The following FLT1 variants were observed in gnomAD, a reference collection of about 807,000 sequenced individuals.
FLT1 encodes fms related receptor tyrosine kinase 1, also known as vascular endothelial growth factor receptor 1.
FLT1 carries 49 observed loss-of-function variants against 156.3 expected under a neutral mutation model. The observed-to-expected ratio is 0.31, with a 90% CI of 0.25 to 0.40. The LOEUF (loss-of-function observed/expected upper bound fraction) is 0.40, where lower values mean the gene tolerates loss of function less well. Among genes scored for constraint, FLT1 ranks in the 10% least tolerant of loss-of-function variants. FLT1 has a pLI of 1.00. For missense variants in FLT1, 1,322 were observed against 1,637.2 expected (o/e 0.81, Z 3.32); for synonymous variants, 594 against 583.8 (o/e 1.02, Z -0.25).
At chr13:28,374,737 T>C (rs957152825) in intron 14 of FLT1, among the ~76,000 whole-genome samples, 3 of 151,964 alleles carry the variant, frequency 2.0e-5, no homozygotes, top group Non-Finnish European at 4.4e-5. Context: ...ATGGTCTCGA[T>C]CTCCTGACCT....
At chr13:28,465,384 A>G (rs987115073) in intron 3 of FLT1, among the ~76,000 whole-genome samples, 7 of 152,164 alleles carry the variant, frequency 4.6e-5, no homozygotes, top group African/African-American at 1.4e-4. Context: ...AGGATCGGGG[A>G]CATGAAAGTG....
chr13:28,313,528 G>A (rs772241779), intron 25 of FLT1, among the ~76,000 whole-genome samples: 3 of 152,190 alleles, frequency 2.0e-5, no homozygotes, highest in African/African-American at 7.2e-5. Context: ...AATGGGCTCC[G>A]AATTTGGCTC....
rs1870529463 is a variant in FLT1 at position 28,301,869 on chromosome 13, G to C, written c.*1298C>G. On this transcript the variant is annotated 3_prime_UTR_variant, in exon 30 of 30. Coordinates refer to ENST00000282397, the MANE Select transcript of FLT1 (RefSeq NM_002019.4). ...TAACTAATATCCTGAGTCCCAACTG[G>C]AGAAATACCTTGCATAAATTACATA... 4.3e-6 allele frequency: 1 copy of C among 233,436 alleles called. No individual in the cohort carries two copies. Among genetic ancestry groups the C allele is most frequent in the Non-Finnish European group, 8.5e-6 (1 of 117,962 alleles). 14.5% of individuals were successfully genotyped at this position (233,436 alleles called of 1,614,324 possible). A position where few individuals can be genotyped will look rare whatever the true frequency, so the allele number is the denominator to read the frequency against.
chr13:28,352,373 T>C (rs1286572951), intron 15 of FLT1, among the ~76,000 whole-genome samples: 1 of 152,214 alleles, frequency 6.6e-6, no homozygotes, highest in African/African-American at 2.4e-5. Context: ...ATTAATTACA[T>C]GGTCCCAGGC....
intron 14 of FLT1, among the ~76,000 whole-genome samples, chr13:28,363,075 G>GTT (rs141644631): frequency 0.086 from 13,059 of 152,032 alleles, 605 homozygotes; most frequent in South Asian, 0.13. Flanking sequence ...CAGATCTTTT[G>GTT]TTCATACTTA....
At chr13:28,478,212 C>T (rs955886960) in intron 1 of FLT1, among the ~76,000 whole-genome samples, 4 of 152,158 alleles carry the variant, frequency 2.6e-5, no homozygotes, top group Non-Finnish European at 4.4e-5. Context: ...CAAAGGCATC[C>T]TCCGTGTTCT....
At chr13:28,428,072 G>A (rs1191583975) in intron 8 of FLT1, 151 bp from the exon 9 acceptor site, 18 of 682,650 alleles carry the variant, frequency 2.6e-5, no homozygotes, top group Non-Finnish European at 3.4e-5. Context: ...ATTAACTTTT[G>A]AGTAAAGGCA....
At chr13:28,433,728 T>A (rs1877842855) in intron 6 of FLT1, 91 bp downstream of exon 6, 1 of 1,237,388 alleles carries the variant, frequency 8.1e-7, no homozygotes, top group Non-Finnish European at 1.2e-6. Flanking sequence ...GGAGTCAGGA[T>A]TTTCTGATTT....
intron 4 of FLT1, among the ~76,000 whole-genome samples, chr13:28,434,862 G>T (rs540558748): frequency 6.6e-6 from 1 of 152,312 alleles, no homozygotes; most frequent in Non-Finnish European, 1.5e-5. Context: ...CAGCCTGGGT[G>T]ATAGAACGAG....
intron 13 of FLT1, among the ~76,000 whole-genome samples, chr13:28,385,276 A>G (rs1243709494): frequency 6.6e-6 from 1 of 152,268 alleles, no homozygotes. Flanking sequence ...AGATTTCAAT[A>G]CAAAGGCTTT....
At position 28,490,560 on chromosome 13, in the gene FLT1, A is replaced by G. The variant is rs200276304; in HGVS notation, c.64+4220T>C. Among the ~76,000 whole-genome samples, 18 of 152,110 alleles carry G rather than the reference A, an allele frequency of 1.2e-4. No homozygotes were observed. The East Asian group carries it at 3.5e-3, about 29-fold the overall frequency. On this transcript the variant is annotated intron_variant, in intron 1 of 29. Coordinates refer to ENST00000282397, the MANE Select transcript of FLT1 (RefSeq NM_002019.4). ...CCAGCAATTTAATCAGCAGCATGCA[A>G]TTTCCACAGCACCCAAGAGTGTGAG...
At position 28,302,343 on chromosome 13, in the gene FLT1, CAAAAGTATGGGCTCAGAGTTG is replaced by C. The variant is rs1333652567; in HGVS notation, c.*803_*823del. 1 of 233,150 alleles carries C rather than the reference CAAAAGTATGGGCTCAGAGTTG, an allele frequency of 4.3e-6. No individual in the cohort carries two copies. The highest frequency in any genetic ancestry group is 8.5e-6 in the Non-Finnish European group (1 of 118,060). 14.4% of individuals were successfully genotyped at this position (233,150 alleles called of 1,614,324 possible). A position where few individuals can be genotyped will look rare whatever the true frequency, so the allele number is the denominator to read the frequency against. ...TTTCAGTGCATCTTACTAGAGGAGC[CAAAAGTATGGGCTCAGAGTTG>C]AGTGCCACCCTCAGTGCTACAAATC... On this transcript the variant is annotated 3_prime_UTR_variant, in exon 30 of 30. Transcript: ENST00000282397.
chr13:28,362,091 A>G (rs1396080686), intron 14 of FLT1, among the ~76,000 whole-genome samples: 1 of 152,214 alleles, frequency 6.6e-6, no homozygotes, highest in Non-Finnish European at 1.5e-5. Flanking sequence ...GGAAACAGAT[A>G]CTTTGTAGAA....
intron 1 of FLT1, among the ~76,000 whole-genome samples, chr13:28,472,693 T>C (rs564321182): frequency 1.3e-5 from 2 of 152,316 alleles, no homozygotes; most frequent in South Asian, 4.1e-4. Flanking sequence ...TTTTTTATTA[T>C]GAGTCATTAA....
chr13:28,411,593 A>G (rs2137505225), intron 10 of FLT1, among the ~76,000 whole-genome samples: 1 of 151,706 alleles, frequency 6.6e-6, no homozygotes, highest in South Asian at 2.1e-4. Context: ...AAACCATCCA[A>G]TATTTATCAC....
chr13:28,396,117 T>C (rs1441504595), intron 12 of FLT1, among the ~76,000 whole-genome samples: 1 of 152,230 alleles, frequency 6.6e-6, no homozygotes, highest in East Asian at 1.9e-4. Context: ...ATATCTCCCA[T>C]GGCACAGCTT....
chr13:28,428,712 A>AC (rs2137542253), intron 8 of FLT1, among the ~76,000 whole-genome samples: 1 of 152,240 alleles, frequency 6.6e-6, no homozygotes, highest in Admixed American at 6.5e-5. Flanking sequence ...AAATTCTATG[A>AC]TTTCATTAAA....
At chr13:28,489,982 G>A (rs1488944035) in intron 1 of FLT1, among the ~76,000 whole-genome samples, 2 of 152,196 alleles carry the variant, frequency 1.3e-5, no homozygotes, top group Admixed American at 6.5e-5. Context: ...TTTTAGCACT[G>A]TAATAATGTT....
intron 1 of FLT1, 109 bp downstream of exon 1, chr13:28,494,671 G>A (rs959204436): frequency 3.6e-6 from 3 of 832,750 alleles, no homozygotes; most frequent in Non-Finnish European, 3.8e-6. Context: ...AGCTTCTCCG[G>A]GCTACAGCCT....
Sources: allele counts gnomAD v4.1 joint callset (sites outside exome capture counted in the v4.1 genomes callset), GRCh38; gene constraint gnomAD v4.1.1; transcripts MANE v1.5; gene names NCBI Gene and HGNC (gene_info 2026-07-23, HGNC 2026-07-21).